The following OTOF variants were observed in gnomAD, a reference collection of about 807,000 sequenced individuals.
The protein encoded by OTOF is fer-1-like family member 2.
OTOF carries 218 observed loss-of-function variants against 236.8 expected under a neutral mutation model. The ratio of observed to expected loss-of-function variants is 0.92; its 90% CI spans 0.82 to 1.03. The LOEUF (loss-of-function observed/expected upper bound fraction) is 1.03, where lower values mean the gene tolerates loss of function less well. OTOF is among the 50% of genes least tolerant of loss of function. OTOF has a pLI of 0.00. For missense variants in OTOF, 2,590 were observed against 2,694.4 expected (o/e 0.96, Z 0.86); for synonymous variants, 1,041 against 1,072.5 (o/e 0.97, Z 0.57).
intron 3 of OTOF, among the ~76,000 whole-genome samples, chr2:26,523,799 C>T (rs1666737321): frequency 6.6e-6 from 1 of 152,258 alleles, no homozygotes; most frequent in Non-Finnish European, 1.5e-5. Flanking sequence ...ACCCCTTCCA[C>T]TCAGCTGCCC....
intron 1 of OTOF, among the ~76,000 whole-genome samples, chr2:26,557,899 A>G (rs1213011386): frequency 6.6e-6 from 1 of 151,894 alleles, no homozygotes; most frequent in Non-Finnish European, 1.5e-5. Flanking sequence ...TCCTTGGGAC[A>G]CAGTAGATCA....
Position 26,482,647 on chromosome 2 carries a change from ATG to A in OTOF, c.1393-57_1393-56del, listed in dbSNP as rs370631653. 1,372 of 1,440,856 alleles carry A rather than the reference ATG, an allele frequency of 9.5e-4. 1 individual carries two copies. The highest frequency in any genetic ancestry group is 1.9e-3 in the Middle Eastern group (10 of 5,168). The allele number at this position is 1,440,856 out of a possible 1,614,324, so 89.3% of individuals were successfully genotyped here. A position where few individuals can be genotyped will look rare whatever the true frequency, so the allele number is the denominator to read the frequency against. ...GTGGCATGTGTGTGTGAGTGGGTGC[ATG>A]TGTGTGTGTGTGAGTGGGCGCATGT... On this transcript the variant is annotated intron_variant, in intron 13 of 46. Transcript: ENST00000272371.
At position 26,461,277 on chromosome 2, in the gene OTOF, CCCCTGCCACT is replaced by C. The variant is rs1482120509; in HGVS notation, c.5534-257_5534-248del. Among the ~76,000 whole-genome samples, 4 of 152,226 alleles carry C rather than the reference CCCCTGCCACT, an allele frequency of 2.6e-5. No individual in the cohort carries two copies. Among genetic ancestry groups the C allele is most frequent in the Admixed American group, 6.5e-5 (1 of 15,288 alleles). Reference sequence around the variant, plus strand: ...CCCCAGAGGGTCTCTCCTGGGGTCTCCCCTGCCACTCCCTGCCATGCATCCATTCTGTCAA... The same window carrying C: ...CCCCAGAGGGTCTCTCCTGGGGTCTCCCCTGCCATGCATCCATTCTGTCAA... On this transcript the variant is annotated intron_variant, in intron 43 of 46. Transcript: ENST00000272371. This position sits in a 1 kb window ranked among gnomAD's most constrained non-coding sequence, Gnocchi z 6.2.
In OTOF at chr2:26,457,959, C is replaced by G; in HGVS notation, c.*279G>C. On this transcript the variant is annotated 3_prime_UTR_variant, in exon 47 of 47. Transcript: ENST00000272371. The surrounding 1 kb of genome is among the most constrained non-coding windows in gnomAD (Gnocchi z 4.4). ...GTGGACGCTGGGCTCCTCAGGCTCC[C>G]CAGGGGAGATGGGAAAGAGTCCAAG... 2.8e-6 allele frequency: 4 copies of G among 1,431,670 alleles called. No individual in the cohort carries two copies. The highest frequency in any genetic ancestry group is 3.9e-6 in the Non-Finnish European group (4 of 1,036,816). The allele number at this position is 1,431,670 out of a possible 1,614,324, so 88.7% of individuals were successfully genotyped here. A position where few individuals can be genotyped will look rare whatever the true frequency, so the allele number is the denominator to read the frequency against.
At chr2:26,469,086 AT>A (rs1169587843) in intron 32 of OTOF, among the ~76,000 whole-genome samples, 3 of 152,184 alleles carry the variant, frequency 2.0e-5, no homozygotes, top group African/African-American at 7.2e-5. Flanking sequence ...TGCAATAAAT[AT>A]TTACATTTTC....
At position 26,475,510 on chromosome 2, in the gene OTOF, G is replaced by A. The variant is rs778048867; in HGVS notation, c.2992-17C>T. On this transcript the variant is annotated splice_polypyrimidine_tract_variant and intron_variant, in intron 24 of 46. Transcript: ENST00000272371. ...ATTCAGCACCTGCAGCATGGGATGG[G>A]GAGACAGGGGACAAGTGACAGAGGG... is the stretch of plus-strand genomic sequence containing the variant. The A allele has an allele frequency of 1.2e-6, 2 of 1,611,028 alleles. No homozygotes were observed. Among genetic ancestry groups the A allele is most frequent in the Non-Finnish European group, 1.7e-6 (2 of 1,178,712 alleles).
chr2:26,465,527 T>C, intron 38 of OTOF, 145 bp downstream of exon 38: 1 of 809,312 alleles, frequency 1.2e-6, no homozygotes, highest in African/African-American at 1.7e-5. Flanking sequence ...CTGAAGACTG[T>C]GCCCAGGGAC....
intron 2 of OTOF, among the ~76,000 whole-genome samples, chr2:26,534,277 C>G (rs934214327): frequency 3.3e-5 from 5 of 152,206 alleles, no homozygotes; most frequent in African/African-American, 4.8e-5. Flanking sequence ...TCTGGCCTCT[C>G]CCCTGGGGCC....
chr2:26,474,445 CCCAGCCCTAGGCCCCAACTCCCAGCCT>C, intron 26 of OTOF, 41 bp downstream of exon 26: 1 of 1,438,284 alleles, frequency 7.0e-7, no homozygotes, highest in East Asian at 2.5e-5. Context: ...GGGTCCAGCC[CCCAGCCCTAGGCCCCAACTCCCAGCCT>C]CCAGTCCCCA....
intron 3 of OTOF, among the ~76,000 whole-genome samples, chr2:26,524,168 T>C (rs112898017): frequency 1.2e-3 from 181 of 152,330 alleles, no homozygotes; most frequent in African/African-American, 4.0e-3. Context: ...AGAGTTAGGA[T>C]AGGAACTATT....
chr2:26,483,788 C>T, intron 12 of OTOF, 140 bp from the exon 13 acceptor site: 1 of 736,720 alleles, frequency 1.4e-6, no homozygotes, highest in Non-Finnish European at 2.2e-6. Flanking sequence ...CACTTGTGTT[C>T]ACGGAACTTG....
chr2:26,493,061 A>G (rs1479081236), intron 9 of OTOF, among the ~76,000 whole-genome samples: 4 of 152,230 alleles, frequency 2.6e-5, no homozygotes, highest in Non-Finnish European at 5.9e-5. Context: ...TCTTGGGGAC[A>G]TAGATGCTTA....
Position 26,479,310 on chromosome 2 carries a change from C to T in OTOF, c.2168G>A (p.Arg723His), listed in dbSNP as rs754009907. 174 of 1,611,898 alleles carry T rather than the reference C, an allele frequency of 1.1e-4. No individual in the cohort carries two copies. Among genetic ancestry groups the T allele is most frequent in the Non-Finnish European group, 1.4e-4 (162 of 1,179,730 alleles). ...CATGATGTTGGCATTGTAGAGGCGG[C>T]GGCGCTGGTCCGGCCACCAGCTCTT... ...YIKSWWPDQR[R>H]RLYNANIMDH... The change falls in exon 18 of 47, where the codon CGC (arginine) becomes CAC (histidine). Residue 723 changes from arginine to histidine, a missense_variant. Arg to His is a conservative substitution (Grantham distance 29). Around this residue, in one of 2 missense-constraint regions of OTOF, gnomAD observed 1,379 missense variants for 1,341.6 expected, o/e 1.03. Transcript: ENST00000272371.
At chr2:26,472,697 G>A (rs1048513246) in intron 29 of OTOF, 48 bp from the exon 30 acceptor site, 16 of 1,601,886 alleles carry the variant, frequency 1.0e-5, no homozygotes, top group African/African-American at 1.3e-5. Flanking sequence ...GGAGCAAGAG[G>A]AACAGTGAGA....
chr2:26,506,237 C>G (rs1369955002), intron 5 of OTOF, among the ~76,000 whole-genome samples: 6 of 152,258 alleles, frequency 3.9e-5, no homozygotes, highest in Admixed American at 2.0e-4. Context: ...CTATGTCTCT[C>G]CTGAATTACC....
chr2:26,528,108 G>A lies in OTOF; in HGVS notation c.139-188C>T, dbSNP rs55970371. ...GTTCCAACAACCACCTTGTAGAGCC[G>A]GCATTGTTGCCCACTCCTCTTTCAA... is the stretch of plus-strand genomic sequence containing the variant. On this transcript the variant is annotated intron_variant, in intron 2 of 46. Transcript: ENST00000272371. Among the ~76,000 whole-genome samples the A allele has an allele frequency of 0.038, 5,851 of 152,162 alleles. 138 individuals are homozygous for A. The highest frequency in any genetic ancestry group is 0.081 in the South Asian group (392 of 4,810).
intron 3 of OTOF, among the ~76,000 whole-genome samples, chr2:26,525,608 A>C (rs1666781906): frequency 6.6e-6 from 1 of 152,222 alleles, no homozygotes; most frequent in South Asian, 2.1e-4. Context: ...TCTGACTGGC[A>C]GAAAGCATTT....
In OTOF at chr2:26,470,198, C is replaced by G. The variant is rs1664911072; in HGVS notation, c.4023+395G>C. On this transcript the variant is annotated intron_variant, in intron 32 of 46. Transcript: ENST00000272371. The surrounding 1 kb of genome is among the most constrained non-coding windows in gnomAD (Gnocchi z 4.3). ...CCTCTGAGACGCCTTCCCTGATTCC[C>G]CCAAGCCATGATTTGCCTTTGTTAT... 1.3e-5 allele frequency among the ~76,000 whole-genome samples: 2 copies of G among 152,146 alleles called. No individual in the cohort carries two copies. Among genetic ancestry groups the G allele is most frequent in the Admixed American group, 1.3e-4 (2 of 15,268 alleles).
In OTOF at chr2:26,459,999, A is replaced by G. The variant is rs1232453471; in HGVS notation, c.*17+9T>C. On this transcript the variant is annotated intron_variant, in intron 46 of 46. Transcript: ENST00000272371. Reference sequence around the variant, plus strand: ...CTTGGTCCAGAGGAAGAAGTAAGAAATATCAGACCCAGGAGGCCACTGGGC... The same window carrying G: ...CTTGGTCCAGAGGAAGAAGTAAGAAGTATCAGACCCAGGAGGCCACTGGGC... 6.4e-7 allele frequency: 1 copy of G among 1,556,456 alleles called. No homozygotes were observed. Among genetic ancestry groups the G allele is most frequent in the Non-Finnish European group, 8.7e-7 (1 of 1,150,184 alleles).
Sources: gnomAD v4.1 joint callset for allele counts (sites outside exome capture counted in the v4.1 genomes callset) on GRCh38, gnomAD v4.1.1 for gene constraint, gnomAD v4.1.1 regional missense constraint, Gnocchi (gnomAD v3.1) non-coding constraint, MANE v1.5 for transcripts, NCBI Gene and HGNC (gene_info 2026-07-23, HGNC 2026-07-21) for gene names.